Variants in CROCC observed in about 807,000 individuals in gnomAD.
The protein encoded by CROCC is ciliary rootlet coiled-coil, rootletin.
A neutral mutation model predicts 245.2 loss-of-function variants in CROCC; 180 were observed. The ratio of observed to expected loss-of-function variants is 0.73; its 90% confidence interval spans 0.65 to 0.83. The LOEUF is 0.83. Ranked by LOEUF, CROCC falls within the 40% of genes least tolerant of loss-of-function variation. The pLI is 0.00. For missense variants in CROCC, 2,688 were observed against 2,779.4 expected (o/e 0.97, Z 0.74); for synonymous variants, 1,205 against 1,241.6 (o/e 0.97, Z 0.62).
In CROCC at chr1:16,968,402, A is replaced by G; in HGVS notation, c.5060A>G (p.Asp1687Gly). 2.0e-6 allele frequency: 3 copies of G among 1,492,402 alleles called. No individual in the cohort carries two copies. The highest frequency in any genetic ancestry group is 1.8e-6 in the Non-Finnish European group (2 of 1,120,626). The allele number at this position is 1,492,402 out of a possible 1,614,324, so 92.4% of individuals were successfully genotyped here. A position where few individuals can be genotyped will look rare whatever the true frequency, so the allele number is the denominator to read the frequency against. Reference protein sequence around the residue: ...AQAQALQDRVDSLQRQVADSE... With the variant: ...AQAQALQDRVGSLQRQVADSE... ...GCCCAGGCCCTCCAGGATCGGGTGG[A>G]TTCCCTGCAGAGACAGGTGGGCCCC... Residue 1687 changes from aspartate (D) to glycine (G), a missense_variant, in exon 31 of 37, where the codon GAT (aspartate) becomes GGT (glycine). Asp to Gly is a moderately conservative substitution (Grantham distance 94). Coordinates refer to ENST00000375541, the MANE Select transcript of CROCC (RefSeq NM_014675.5).
At chr1:16,915,643 G>GAA (rs148444492) in intron 1 of CROCC, among the ~76,000 whole-genome samples, 28 of 129,944 alleles carry the variant, frequency 2.2e-4, no homozygotes, top group African/African-American at 6.7e-4. Flanking sequence ...TTGTCTCAAA[G>GAA]AAAAAAAAAA....
chr1:16,948,588 C>T, intron 18 of CROCC, 64 bp downstream of exon 18: 6 of 1,474,814 alleles, frequency 4.1e-6, no homozygotes, highest in Non-Finnish European at 4.5e-6. Context: ...CCATGACCAG[C>T]CACACGCAGG....
intron 14 of CROCC, among the ~76,000 whole-genome samples, chr1:16,944,782 G>A (rs2076009539): frequency 6.6e-6 from 1 of 152,262 alleles, no homozygotes; most frequent in Non-Finnish European, 1.5e-5. Flanking sequence ...CAGACATTCT[G>A]CCTTCAGAGT....
At chr1:16,970,868 C>G in intron 35 of CROCC, 101 bp downstream of exon 35, 1 of 1,365,406 alleles carries the variant, frequency 7.3e-7, no homozygotes, top group South Asian at 1.7e-5. Flanking sequence ...GCCCATAACC[C>G]CCTCCCCCAG....
intron 27 of CROCC, among the ~76,000 whole-genome samples, chr1:16,962,182 C>G (rs2076344128): frequency 6.6e-6 from 1 of 151,738 alleles, no homozygotes; most frequent in Admixed American, 6.6e-5. Flanking sequence ...CCTGCCTCAG[C>G]CCCCTGAGTA....
chr1:16,960,730 C>A (rs1158128676), intron 26 of CROCC, 28 bp from the exon 27 acceptor site: 1 of 1,477,562 alleles, frequency 6.8e-7, no homozygotes, highest in Non-Finnish European at 9.0e-7. Flanking sequence ...GAGGTCTTGC[C>A]GACCTCCACC....
intron 2 of CROCC, among the ~76,000 whole-genome samples, chr1:16,923,248 G>A (rs1420676738): frequency 6.6e-6 from 1 of 152,294 alleles, no homozygotes; most frequent in Non-Finnish European, 1.5e-5. Flanking sequence ...GGCGCACACG[G>A]TGTAGTTATG....
In CROCC at chr1:16,948,946, T is replaced by TG. The variant is rs1445503284; in HGVS notation, c.2836+26dup. The TG allele has an allele frequency of 1.9e-6, 3 of 1,609,758 alleles. No individual in the cohort carries two copies. Among genetic ancestry groups the TG allele is most frequent in the Non-Finnish European group, 1.7e-6 (2 of 1,178,984 alleles). On this transcript the variant is annotated intron_variant, in intron 19 of 36. Coordinates refer to ENST00000375541, the MANE Select transcript of CROCC (RefSeq NM_014675.5). ...TGACTGGTACGAGGGGCTGGGGACT[T>TG]GGGGGGAACACCAGGTTCCAGCCCA...
intron 1 of CROCC, among the ~76,000 whole-genome samples, chr1:16,914,943 G>C (rs1355733083): frequency 2.0e-5 from 3 of 152,230 alleles, no homozygotes; most frequent in Non-Finnish European, 4.4e-5. Flanking sequence ...TCTTTCGCTG[G>C]GCTCACAGCA....
chr1:16,948,264 G>A, intron 17 of CROCC, 67 bp from the exon 18 acceptor site: 5 of 1,469,656 alleles, frequency 3.4e-6, no homozygotes, highest in East Asian at 2.4e-5. Flanking sequence ...GCCCAGAGTT[G>A]GGGTGCTGCA....
In CROCC at chr1:16,971,582, A is replaced by G. The variant is rs376815847; in HGVS notation, c.5902A>G (p.Thr1968Ala). 5 of 1,533,292 alleles carry G rather than the reference A, an allele frequency of 3.3e-6. No individual in the cohort carries two copies. The African/African-American group carries it at 5.5e-5, about 17-fold the overall frequency. 95.0% of individuals were successfully genotyped at this position (1,533,292 alleles called of 1,614,324 possible). A position where few individuals can be genotyped will look rare whatever the true frequency, so the allele number is the denominator to read the frequency against. ...VERLRSAQAQ[T>A]ERTLEARERA... ...GCGGCTGCGCAGCGCCCAGGCGCAG[A>G]CTGAGCGCACCCTGGAGGCTCGGGA... The change falls in exon 36 of 37, where the codon ACT becomes GCT. Residue 1968 changes from threonine to alanine, a missense_variant. Around this residue, in one of 9 missense-constraint regions of CROCC, gnomAD observed 1,218 missense variants for 1,286.3 expected, o/e 0.95. Coordinates refer to ENST00000375541, the MANE Select transcript of CROCC (RefSeq NM_014675.5).
In CROCC at chr1:16,960,831, C is replaced by G. The variant is rs1191976671; in HGVS notation, c.4106C>G (p.Ser1369Cys). The part of the protein sequence containing the change: ...FRTRERRLLG[S>C]LEEARGTEKQ... ...ACCCGCGAGCGACGCCTGCTGGGCTCCCTGGAGGAGGCGCGTGGCACTGAA... is the reference window on the plus strand; with the variant it reads ...ACCCGCGAGCGACGCCTGCTGGGCTGCCTGGAGGAGGCGCGTGGCACTGAA... The change falls in exon 27 of 37, where the codon TCC becomes TGC. Residue 1369 changes from serine (S) to cysteine (C), a missense_variant. Physicochemically the swap from Ser to Cys is moderately radical, Grantham distance 112. This residue lies in a region of CROCC where 1,218 missense variants were observed against 1,286.3 expected (regional missense o/e 0.95). Transcript: ENST00000375541. The G allele has an allele frequency of 5.3e-6, 8 of 1,518,434 alleles. No individual in the cohort carries two copies. The highest frequency in any genetic ancestry group is 1.4e-5 in the African/African-American group (1 of 71,300). The allele number at this position is 1,518,434 out of a possible 1,614,324, so 94.1% of individuals were successfully genotyped here. A position where few individuals can be genotyped will look rare whatever the true frequency, so the allele number is the denominator to read the frequency against.
Position 16,945,447 on chromosome 1 carries a change from C to T in CROCC, c.1992-15C>T, listed in dbSNP as rs766049997. ...GAAAGTGACATGGGCCACCCACCCA[C>T]CCTTTGTCCCACAGCCATAGACAAC... On this transcript the variant is annotated splice_polypyrimidine_tract_variant and intron_variant, in intron 14 of 36. Coordinates refer to ENST00000375541, the MANE Select transcript of CROCC (RefSeq NM_014675.5). The T allele has an allele frequency of 6.2e-7, 1 of 1,611,406 alleles. No homozygotes were observed. The highest frequency in any genetic ancestry group is 8.5e-7 in the Non-Finnish European group (1 of 1,179,688).
chr1:16,930,755 T>C lies in CROCC; in HGVS notation c.849+161T>C, dbSNP rs1324659841. On this transcript the variant is annotated intron_variant, in intron 7 of 36. Coordinates refer to ENST00000375541, the MANE Select transcript of CROCC (RefSeq NM_014675.5). ...TCACAATAGCTGGTCTTTATCAGTG[T>C]GTAGCATGTACCACGTGCACGGTGT... Among the ~76,000 whole-genome samples, 8 of 152,402 alleles carry C rather than the reference T, an allele frequency of 5.2e-5. No individual in the cohort carries two copies. The East Asian group carries it at 1.3e-3, about 26-fold the overall frequency.
At chr1:16,938,599 G>A (rs2075845241) in intron 11 of CROCC, 116 bp downstream of exon 11, 5 of 1,018,612 alleles carry the variant, frequency 4.9e-6, no homozygotes, top group Non-Finnish European at 2.9e-6. Flanking sequence ...TGGGACCCAG[G>A]CTGTAGCTGC....
chr1:16,970,192 A>G, intron 33 of CROCC, 61 bp from the exon 34 acceptor site: 1 of 1,451,126 alleles, frequency 6.9e-7, no homozygotes, highest in South Asian at 1.3e-5. Flanking sequence ...ATTGTCCCCA[A>G]GCTTCAGATA....
rs1254274873 is a variant in CROCC, at chr1:16,933,618, G to A, written c.956+2221G>A. ...GTCTTGCTTTGTTGCCCAGGCTGGA[G>A]TGAAGTGGCACGATCTTGGCTCACC... On this transcript the variant is annotated intron_variant, in intron 8 of 36. Transcript: ENST00000375541. 9.2e-5 allele frequency among the ~76,000 whole-genome samples: 14 copies of A among 152,300 alleles called. No individual in the cohort carries two copies. The East Asian group carries it at 2.5e-3, about 27-fold the overall frequency.
At position 16,954,931 on chromosome 1, in the gene CROCC, C is replaced by T; in HGVS notation, c.3465+54C>T. On this transcript the variant is annotated intron_variant, in intron 23 of 36. Transcript: ENST00000375541. This position sits in a 1 kb window ranked among gnomAD's most constrained non-coding sequence, Gnocchi z 4.4. ...GCATACCCTAAATGGCACTGTGTGC[C>T]TGGGGGCCTAGTTCCCCAGGGCCCC... The T allele has an allele frequency of 6.8e-7, 1 of 1,461,378 alleles. No homozygotes were observed. Among genetic ancestry groups the T allele is most frequent in the Non-Finnish European group, 9.1e-7 (1 of 1,099,854 alleles). The allele number at this position is 1,461,378 out of a possible 1,614,324, so 90.5% of individuals were successfully genotyped here. A position where few individuals can be genotyped will look rare whatever the true frequency, so the allele number is the denominator to read the frequency against.
intron 25 of CROCC, among the ~76,000 whole-genome samples, chr1:16,957,166 G>A (rs2076262153): frequency 6.6e-6 from 1 of 152,166 alleles, no homozygotes; most frequent in African/African-American, 2.4e-5. Flanking sequence ...TCATGCTTTG[G>A]GAGGCCAAGT....
Sources: gnomAD v4.1 joint callset for allele counts (sites outside exome capture counted in the v4.1 genomes callset) on GRCh38, gnomAD v4.1.1 for gene constraint, gnomAD v4.1.1 regional missense constraint, Gnocchi (gnomAD v3.1) non-coding constraint, MANE v1.5 for transcripts, NCBI Gene and HGNC (gene_info 2026-07-23, HGNC 2026-07-21) for gene names.